PDZD2: variants seen among roughly 807,000 people sequenced by gnomAD.
PDZD2 encodes PDZ domain containing 2.
A neutral mutation model predicts 220.7 loss-of-function variants in PDZD2; 90 were observed. That is an observed-to-expected ratio of 0.41 (90% CI 0.34 to 0.49). The LOEUF (loss-of-function observed/expected upper bound fraction) is 0.49. Among genes scored for constraint, PDZD2 ranks in the 20% least tolerant of loss-of-function variants. The pLI, the probability that PDZD2 is intolerant of heterozygous loss-of-function variation, is 0.28. For synonymous variants in PDZD2, 1,375 were observed against 1,450.5 expected, an observed-to-expected ratio of 0.95 and a Z score of 1.18; for missense variants, 3,174 against 3,608.5, an observed-to-expected ratio of 0.88 and a Z score of 3.08.
chr5:31,919,675 A>G (rs1744022713), intron 2 of PDZD2, among the ~76,000 whole-genome samples: 1 of 142,608 alleles, frequency 7.0e-6, no homozygotes, highest in Admixed American at 7.2e-5. Context: ...ATTTTTTTAG[A>G]GCAGTTTTAA....
Position 31,701,717 on chromosome 5 carries a change from C to T in PDZD2, c.-361+62280C>T, listed in dbSNP as rs192920641. 2.7e-4 allele frequency among the ~76,000 whole-genome samples: 41 copies of T among 152,308 alleles called. No individual in the cohort carries two copies. The East Asian group carries it at 7.7e-3, about 29-fold the overall frequency. On this transcript the variant is annotated intron_variant, in intron 1 of 24. Transcript: ENST00000438447. The stretch of plus-strand genomic sequence containing the variant: ...GATGCCACACATTTGCATCTGGGAA[C>T]GCAACTCTGGTTTTCTCTCACATTC...
At chr5:32,104,130 G>A (rs139547091) in intron 24 of PDZD2, among the ~76,000 whole-genome samples, 42 of 152,144 alleles carry the variant, frequency 2.8e-4, no homozygotes, top group African/African-American at 9.6e-4. Context: ...TTATCTGGCC[G>A]GGCATGGTGG....
intron 2 of PDZD2, among the ~76,000 whole-genome samples, chr5:31,821,325 TTATC>T (rs1443617930): frequency 2.0e-5 from 3 of 152,080 alleles, no homozygotes; most frequent in African/African-American, 7.2e-5. Context: ...TACTATCTGA[TTATC>T]TAAATACCAT....
chr5:31,886,791 G>C (rs551070531), intron 2 of PDZD2, among the ~76,000 whole-genome samples: 1 of 151,632 alleles, frequency 6.6e-6, no homozygotes, highest in Non-Finnish European at 1.5e-5. Flanking sequence ...TCCGCCTCCC[G>C]GGTTCACGCC....
intron 7 of PDZD2, among the ~76,000 whole-genome samples, chr5:32,047,950 G>C (rs144640923): frequency 6.6e-6 from 1 of 152,274 alleles, no homozygotes; most frequent in Non-Finnish European, 1.5e-5. Flanking sequence ...TGGGATAATG[G>C]TTACCCTTGG....
chr5:32,024,725 C>T (rs1217141150), intron 6 of PDZD2, among the ~76,000 whole-genome samples: 1 of 148,826 alleles, frequency 6.7e-6, no homozygotes, highest in Non-Finnish European at 1.5e-5. Flanking sequence ...AAGAAAGAAA[C>T]GTGGGGTTTG....
intron 1 of PDZD2, among the ~76,000 whole-genome samples, chr5:31,653,500 A>G (rs1745428478): frequency 6.6e-6 from 1 of 152,188 alleles, no homozygotes; most frequent in African/African-American, 2.4e-5. Context: ...TCAAAAACAT[A>G]TAATCTAATG....
chr5:32,052,573 G>A (rs1738666908), intron 8 of PDZD2, 38 bp from the exon 9 acceptor site: 3 of 1,604,188 alleles, frequency 1.9e-6, no homozygotes, highest in East Asian at 2.2e-5. Flanking sequence ...TAGAACAAAT[G>A]AGAGTAATCT....
rs1182830078 is a variant in PDZD2 at position 32,023,679 on chromosome 5, T to A, written c.1407+13197T>A. On this transcript the variant is annotated intron_variant, in intron 6 of 24. Coordinates refer to ENST00000438447, the MANE Select transcript of PDZD2 (RefSeq NM_178140.4). ...CTCTGTCACTTCCTTCCCTTTCACTTACTAAGTCATATTTTCTGAAAATTC... is the reference window on the plus strand; with the variant it reads ...CTCTGTCACTTCCTTCCCTTTCACTAACTAAGTCATATTTTCTGAAAATTC... 2.6e-5 allele frequency among the ~76,000 whole-genome samples: 4 copies of A among 152,168 alleles called. No homozygotes were observed. The East Asian group carries it at 7.7e-4, about 29-fold the overall frequency.
intron 23 of PDZD2, chr5:32,100,567 G>A: frequency 3.0e-6 from 1 of 336,632 alleles, no homozygotes; most frequent in South Asian, 2.4e-5. Flanking sequence ...CTTTGCAGGA[G>A]CAGGAGTGGC....
intron 2 of PDZD2, among the ~76,000 whole-genome samples, chr5:31,922,416 A>C (rs1462027072): frequency 6.6e-6 from 1 of 152,184 alleles, no homozygotes; most frequent in East Asian, 1.9e-4. Flanking sequence ...TTTTTTTATC[A>C]TAATGGAGAC....
intron 16 of PDZD2, among the ~76,000 whole-genome samples, chr5:32,071,856 G>A (rs904195433): frequency 2.0e-5 from 3 of 152,136 alleles, no homozygotes; most frequent in African/African-American, 4.8e-5. Context: ...CTTTCCCATC[G>A]CATCCCCCCA....
intron 6 of PDZD2, among the ~76,000 whole-genome samples, chr5:32,031,191 T>C (rs1305589105): frequency 6.6e-6 from 1 of 152,216 alleles, no homozygotes; most frequent in Non-Finnish European, 1.5e-5. Context: ...CCTACTTTTG[T>C]GACAGACCCT....
In PDZD2 at chr5:31,883,216, CTTTT is replaced by C. The variant is rs58100064; in HGVS notation, c.476+83511_476+83514del. Among the ~76,000 whole-genome samples, 34 of 94,512 alleles carry C rather than the reference CTTTT, an allele frequency of 3.6e-4. No homozygotes were observed. The South Asian group carries it at 0.013, about 37-fold the overall frequency. 62.0% of individuals were successfully genotyped at this position (94,512 alleles called of 152,430 possible). ...AATTATGAGTTTATTAGCATGCTAC[CTTTT>C]TTTTTTTTTTTTTTTTTTGAGATGG... is the stretch of plus-strand genomic sequence containing the variant. On this transcript the variant is annotated intron_variant, in intron 2 of 24. Coordinates refer to ENST00000438447, the MANE Select transcript of PDZD2 (RefSeq NM_178140.4).
intron 2 of PDZD2, among the ~76,000 whole-genome samples, chr5:31,939,217 G>A (rs1342821142): frequency 6.6e-6 from 1 of 152,156 alleles, no homozygotes; most frequent in African/African-American, 2.4e-5. Context: ...TACCATGGGA[G>A]CTGGGCAGCA....
intron 1 of PDZD2, among the ~76,000 whole-genome samples, chr5:31,797,094 A>ATTTTTT (rs756548601): frequency 3.5e-4 from 23 of 66,542 alleles, no homozygotes; most frequent in East Asian, 1.2e-3. Context: ...CACCCAGCTA[A>ATTTTTT]TTTTTTTTTT....
At chr5:31,991,146 G>T (rs141227817) in intron 3 of PDZD2, among the ~76,000 whole-genome samples, 2 of 152,282 alleles carry the variant, frequency 1.3e-5, no homozygotes, top group Admixed American at 6.5e-5. Flanking sequence ...CCTTATTCTC[G>T]GTCCTGTGGG....
chr5:31,919,202 C>T (rs1354389536), intron 2 of PDZD2, among the ~76,000 whole-genome samples: 1 of 152,190 alleles, frequency 6.6e-6, no homozygotes, highest in Non-Finnish European at 1.5e-5. Flanking sequence ...ATCTAAAGCA[C>T]TGTCTCTTGA....
chr5:31,875,963 A>G (rs1356616690), intron 2 of PDZD2, among the ~76,000 whole-genome samples: 1 of 152,022 alleles, frequency 6.6e-6, no homozygotes, highest in Non-Finnish European at 1.5e-5. Flanking sequence ...CTTCCCCTAT[A>G]AACATTAAAA....
Sources: gnomAD v4.1 joint callset for allele counts (sites outside exome capture counted in the v4.1 genomes callset) on GRCh38, gnomAD v4.1.1 for gene constraint, MANE v1.5 for transcripts, NCBI Gene and HGNC (gene_info 2026-07-23, HGNC 2026-07-21) for gene names.